SGCZ: variants seen among roughly 807,000 people sequenced by gnomAD.
SGCZ encodes sarcoglycan zeta.
In SGCZ, 40 loss-of-function variants were observed where a neutral mutation model predicts 41.3. The observed-to-expected ratio is 0.97, with a 90% CI of 0.75 to 1.26. SGCZ has a LOEUF of 1.26. Among genes scored for constraint, SGCZ ranks in the 50% most tolerant of loss-of-function variants. The pLI is 0.00. For missense variants in SGCZ, 552 were observed against 369.8 expected (o/e 1.49, Z -4.04); for synonymous variants, 206 against 137.5 (o/e 1.50, Z -3.49).
rs536016090 is a variant in SGCZ, at chr8:15,108,967, G to C, written c.39+128618C>G. On this transcript the variant is annotated intron_variant, in intron 1 of 7. Transcript: ENST00000382080. ...CATTGTGAAAACGACTGCAAAAATAGAATGAAATTGGGTTTCAATTTTCTC... is the reference window on the plus strand; with the variant it reads ...CATTGTGAAAACGACTGCAAAAATACAATGAAATTGGGTTTCAATTTTCTC... Among the ~76,000 whole-genome samples, 5 of 152,194 alleles carry C rather than the reference G, an allele frequency of 3.3e-5. No individual in the cohort carries two copies. The South Asian group carries it at 8.3e-4, about 25-fold the overall frequency.
In SGCZ at chr8:14,326,111, C is replaced by CAAA. The variant is rs56152915; in HGVS notation, c.235-1910_235-1908dup. On this transcript the variant is annotated intron_variant, in intron 2 of 7. Transcript: ENST00000382080. ...TGGGCGAAAGAGTGAGACTCCGTCT[C>CAAA]AAAAAAAAAAAAAAAAAAAGATGAG... Among the ~76,000 whole-genome samples, 43 of 37,904 alleles carry CAAA rather than the reference C, an allele frequency of 1.1e-3. 6 individuals are homozygous for CAAA. The highest frequency in any genetic ancestry group is 3.2e-3 in the African/African-American group (31 of 9,752). The allele number at this position is 37,904 out of a possible 152,430, so 24.9% of individuals were successfully genotyped here.
At chr8:14,767,475 C>G (rs1800075749) in intron 1 of SGCZ, among the ~76,000 whole-genome samples, 1 of 152,084 alleles carries the variant, frequency 6.6e-6, no homozygotes, top group Admixed American at 6.6e-5. Flanking sequence ...TTTACTCTAG[C>G]ATTTTGGGGG....
At chr8:15,071,877 T>A (rs1585533762) in intron 1 of SGCZ, among the ~76,000 whole-genome samples, 1 of 151,982 alleles carries the variant, frequency 6.6e-6, no homozygotes, top group African/African-American at 2.4e-5. Flanking sequence ...GAAGACTCCA[T>A]CTCATCTGGG....
intron 2 of SGCZ, among the ~76,000 whole-genome samples, chr8:14,432,075 G>A (rs1351023271): frequency 6.6e-6 from 1 of 152,176 alleles, no homozygotes; most frequent in Non-Finnish European, 1.5e-5. Flanking sequence ...CTTCTACCCT[G>A]CTGGTGGGAA....
At chr8:14,829,399 C>T (rs536039593) in intron 1 of SGCZ, among the ~76,000 whole-genome samples, 5 of 152,204 alleles carry the variant, frequency 3.3e-5, no homozygotes, top group South Asian at 4.1e-4. Flanking sequence ...CTTGATGACG[C>T]TTATGTTGAA....
intron 1 of SGCZ, among the ~76,000 whole-genome samples, chr8:14,659,623 C>T (rs1342690524): frequency 3.3e-5 from 5 of 152,112 alleles, no homozygotes; most frequent in Admixed American, 2.6e-4. Flanking sequence ...AATAGCTCAA[C>T]ATTTTAAACG....
intron 4 of SGCZ, among the ~76,000 whole-genome samples, chr8:14,197,039 T>G (rs1174760395): frequency 6.6e-6 from 1 of 152,164 alleles, no homozygotes; most frequent in Non-Finnish European, 1.5e-5. Context: ...TGGTAATGGT[T>G]GCACAACTGT....
chr8:14,110,454 CAGTG>C (rs1802337918), intron 5 of SGCZ, among the ~76,000 whole-genome samples: 1 of 152,068 alleles, frequency 6.6e-6, no homozygotes. Context: ...TTTAAATTTT[CAGTG>C]AGAATTAAAA....
At chr8:14,762,005 A>G (rs959027650) in intron 1 of SGCZ, among the ~76,000 whole-genome samples, 3 of 152,182 alleles carry the variant, frequency 2.0e-5, no homozygotes, top group African/African-American at 4.8e-5. Context: ...ACTGAACTAC[A>G]CAATGGAAAG....
At chr8:14,573,136 A>G (rs140627849) in intron 1 of SGCZ, among the ~76,000 whole-genome samples, 209 of 151,756 alleles carry the variant, frequency 1.4e-3, no homozygotes, top group African/African-American at 4.8e-3. Context: ...TAAGCATAAC[A>G]TGAAACAACT....
At chr8:14,400,073 T>G (rs1313129095) in intron 2 of SGCZ, among the ~76,000 whole-genome samples, 1 of 152,110 alleles carries the variant, frequency 6.6e-6, no homozygotes, top group African/African-American at 2.4e-5. Flanking sequence ...TGTCTCTATA[T>G]ATTTGCTTAT....
intron 2 of SGCZ, among the ~76,000 whole-genome samples, chr8:14,425,526 C>A (rs1448186136): frequency 6.6e-6 from 1 of 151,856 alleles, no homozygotes; most frequent in Non-Finnish European, 1.5e-5. Flanking sequence ...GAGGCTGAGG[C>A]AGGAGAACTG....
intron 1 of SGCZ, among the ~76,000 whole-genome samples, chr8:14,817,957 C>T (rs1801957194): frequency 6.6e-6 from 1 of 152,152 alleles, no homozygotes; most frequent in Non-Finnish European, 1.5e-5. Context: ...TAATATATTG[C>T]CAAAGAGGCA....
Position 14,217,257 on chromosome 8 carries a change from C to T in SGCZ, c.424+20335G>A, listed in dbSNP as rs978362565. 5.7e-5 allele frequency among the ~76,000 whole-genome samples: 8 copies of T among 140,592 alleles called. No homozygotes were observed. In the Admixed American group the frequency reaches 5.9e-4, roughly 10 times the overall value. The allele number at this position is 140,592 out of a possible 152,430, so 92.2% of individuals were successfully genotyped here. On this transcript the variant is annotated intron_variant, in intron 4 of 7. Coordinates refer to ENST00000382080, the MANE Select transcript of SGCZ (RefSeq NM_139167.4). The stretch of plus-strand genomic sequence containing the variant: ...GTTGCAGTGAGCCGAGATTGCACCA[C>T]TGCACTCCAGCCTGGGGATCAGAGT...
intron 1 of SGCZ, among the ~76,000 whole-genome samples, chr8:14,799,759 TA>T (rs1801258366): frequency 6.6e-6 from 1 of 152,110 alleles, no homozygotes; most frequent in Non-Finnish European, 1.5e-5. Context: ...CAACCTTCTC[TA>T]AAACCTCATG....
intron 2 of SGCZ, among the ~76,000 whole-genome samples, chr8:14,536,439 T>C (rs1803298785): frequency 6.6e-6 from 1 of 151,782 alleles, no homozygotes; most frequent in Non-Finnish European, 1.5e-5. Flanking sequence ...AAAATTAAAG[T>C]TATTTGAACG....
chr8:15,220,376 C>A (rs1395240004), intron 1 of SGCZ, among the ~76,000 whole-genome samples: 1 of 151,958 alleles, frequency 6.6e-6, no homozygotes, highest in Non-Finnish European at 1.5e-5. Flanking sequence ...TATTGGTTAC[C>A]CACAACAATG....
chr8:14,849,762 A>C (rs1171877551), intron 1 of SGCZ, among the ~76,000 whole-genome samples: 1 of 152,178 alleles, frequency 6.6e-6, no homozygotes, highest in Non-Finnish European at 1.5e-5. Flanking sequence ...AAAAAGTATC[A>C]ATTAGTACAT....
chr8:14,859,872 TG>T (rs1466635601), intron 1 of SGCZ, among the ~76,000 whole-genome samples: 1 of 152,208 alleles, frequency 6.6e-6, no homozygotes. Flanking sequence ...GAATAGTGCC[TG>T]GCATATAGTA....
Sources: allele counts gnomAD v4.1 joint callset (sites outside exome capture counted in the v4.1 genomes callset), GRCh38; gene constraint gnomAD v4.1.1; transcripts MANE v1.5; gene names NCBI Gene and HGNC (gene_info 2026-07-23, HGNC 2026-07-21).